The following KCNQ2 variants were observed in gnomAD, a reference collection of about 807,000 sequenced individuals.
The protein encoded by KCNQ2 is potassium voltage-gated channel subfamily Q member 2.
Under a neutral mutation model 84.8 loss-of-function variants are expected in KCNQ2, and 14 were observed. The ratio of observed to expected loss-of-function variants is 0.17; its 90% CI spans 0.11 to 0.26. The LOEUF (loss-of-function observed/expected upper bound fraction) is 0.26. KCNQ2 is among the 10% of genes least tolerant of loss of function. The pLI, the probability that KCNQ2 is intolerant of heterozygous loss-of-function variation, is 1.00. For missense variants in KCNQ2, 788 were observed against 1,254.0 expected (o/e 0.63, Z 5.61); for synonymous variants, 599 against 554.1 (o/e 1.08, Z -1.14).
In KCNQ2 at chr20:63,408,356, T is replaced by C. The variant is rs2080011924; in HGVS notation, c.1887+57A>G. 6.3e-7 allele frequency: 1 copy of C among 1,595,070 alleles called. No individual in the cohort carries two copies. Among genetic ancestry groups the C allele is most frequent in the East Asian group, 2.2e-5 (1 of 44,706 alleles). ...CCCTGAAGCCCACACTGCCACAGGT[T>C]GACGGCAGGCACCACAGCCCTCCAG... On this transcript the variant is annotated intron_variant, in intron 16 of 16. Coordinates refer to ENST00000359125, the MANE Select transcript of KCNQ2 (RefSeq NM_172107.4). The surrounding 1 kb of genome is among the most constrained non-coding windows in gnomAD (Gnocchi z 5.0).
In KCNQ2 at chr20:63,414,039, GGA is replaced by G. The variant is rs748904205; in HGVS notation, c.1631+47_1631+48del. 2.1e-6 allele frequency: 3 copies of G among 1,397,818 alleles called. No individual in the cohort carries two copies. In the African/African-American group the frequency reaches 4.2e-5, roughly 20 times the overall value. 86.6% of individuals were successfully genotyped at this position (1,397,818 alleles called of 1,614,324 possible). On this transcript the variant is annotated intron_variant, in intron 14 of 16. Coordinates refer to ENST00000359125, the MANE Select transcript of KCNQ2 (RefSeq NM_172107.4). This position sits in a 1 kb window ranked among gnomAD's most constrained non-coding sequence, Gnocchi z 6.6. ...CGGCAGCAGGCAGGACCACCGAGCG[GGA>G]GGCCCCTCCTCACTCCCCCAGGCTC...
At chr20:63,424,252 C>T (rs780299561) in intron 10 of KCNQ2, 46 bp from the exon 11 acceptor site, 10 of 1,550,124 alleles carry the variant, frequency 6.5e-6, no homozygotes, top group Middle Eastern at 1.7e-4. Context: ...CACTCAGCAC[C>T]CATGAGGGTC....
Position 63,445,783 on chromosome 20 carries a change from ACCCTGTCTGAGCTGGGAGG to A in KCNQ2, c.388-438_388-420del, listed in dbSNP as rs2081401717. ...TGGGGGACCCTGTCTGAGCTGGGGG[ACCCTGTCTGAGCTGGGAGG>A]CCCTGTCTGAGCTGGGGGACCCTGT... On this transcript the variant is annotated intron_variant, in intron 2 of 16. Transcript: ENST00000359125. Among the ~76,000 whole-genome samples the A allele has an allele frequency of 9.9e-5, 10 of 100,578 alleles. No individual in the cohort carries two copies. In the South Asian group the frequency reaches 2.0e-3, roughly 20 times the overall value. 66.0% of individuals were successfully genotyped at this position (100,578 alleles called of 152,430 possible). A position where few individuals can be genotyped will look rare whatever the true frequency, so the allele number is the denominator to read the frequency against.
intron 15 of KCNQ2, among the ~76,000 whole-genome samples, chr20:63,413,069 G>A (rs757963817): frequency 2.8e-4 from 42 of 152,070 alleles, no homozygotes; most frequent in Non-Finnish European, 5.6e-4. Context: ...GTACACACAT[G>A]TATGCACCCC....
intron 1 of KCNQ2, among the ~76,000 whole-genome samples, chr20:63,462,706 G>A (rs577868513): frequency 6.6e-6 from 1 of 152,330 alleles, no homozygotes; most frequent in South Asian, 2.1e-4. Flanking sequence ...GATGTGCATG[G>A]AGCCCCACGC....
intron 9 of KCNQ2, among the ~76,000 whole-genome samples, chr20:63,429,516 C>T (rs921055274): frequency 2.0e-5 from 3 of 152,176 alleles, no homozygotes; most frequent in African/African-American, 7.2e-5. Context: ...ATGCCCCTGC[C>T]CGTGTCCTCC....
At chr20:63,443,494 C>CATT (rs2081321597) in intron 4 of KCNQ2, 5 of 141,834 alleles carry the variant, frequency 3.5e-5, no homozygotes, top group African/African-American at 1.3e-4. Context: ...CCACCATCAC[C>CATT]ATCACCACCA....
In KCNQ2 at chr20:63,445,064, CAG is replaced by C. The variant is rs144357469; in HGVS notation, c.514+172_514+173del. ...CACATTCCTCTTCCTGACATTTAGG[CAG>C]AGTTAACCACAGCCTCTGACTCCAA... On this transcript the variant is annotated intron_variant, in intron 3 of 16. Transcript: ENST00000359125. Among the ~76,000 whole-genome samples, 1,247 of 152,324 alleles carry C rather than the reference CAG, an allele frequency of 8.2e-3. 21 individuals are homozygous for C. Among genetic ancestry groups the C allele is most frequent in the African/African-American group, 0.029 (1,185 of 41,576 alleles).
rs1303253912 is a variant in KCNQ2, at chr20:63,402,034, C to G, written c.*4610G>C. The G allele has an allele frequency of 8.0e-6, 1 of 124,912 alleles. No individual in the cohort carries two copies. Among genetic ancestry groups the G allele is most frequent in the African/African-American group, 4.6e-5 (1 of 21,902 alleles). The allele number at this position is 124,912 out of a possible 1,614,324, so 7.7% of individuals were successfully genotyped here. A position where few individuals can be genotyped will look rare whatever the true frequency, so the allele number is the denominator to read the frequency against. Reference sequence around the variant, plus strand: ...GCACCCTCCATGGCAGGTCCAAGCCCTGTGAACCATCCCTCTCACACCACG... The same window carrying G: ...GCACCCTCCATGGCAGGTCCAAGCCGTGTGAACCATCCCTCTCACACCACG... On this transcript the variant is annotated 3_prime_UTR_variant, in exon 17 of 17. Transcript: ENST00000359125.
chr20:63,421,773 G>A (rs1308754767), intron 11 of KCNQ2, among the ~76,000 whole-genome samples: 1 of 152,116 alleles, frequency 6.6e-6, no homozygotes, highest in African/African-American at 2.4e-5. Context: ...GTGAGATGGG[G>A]TGTCGGACAA....
rs1445512635 is a variant in KCNQ2, at chr20:63,438,897, A to C, written c.928-177T>G. On this transcript the variant is annotated intron_variant, in intron 6 of 16. Transcript: ENST00000359125. This position sits in a 1 kb window ranked among gnomAD's most constrained non-coding sequence, Gnocchi z 5.1. ...CAGACCACGCCCCAGGGACTCACAC[A>C]CCCCCCAGTTCATCAGGGTCAGACC... 3.0e-4 allele frequency among the ~76,000 whole-genome samples: 42 copies of C among 138,854 alleles called. No homozygotes were observed. Among genetic ancestry groups the C allele is most frequent in the African/African-American group, 1.1e-3 (42 of 36,708 alleles). The allele number at this position is 138,854 out of a possible 152,430, so 91.1% of individuals were successfully genotyped here.
intron 1 of KCNQ2, among the ~76,000 whole-genome samples, chr20:63,452,015 C>T (rs930439483): frequency 6.6e-6 from 1 of 152,246 alleles, no homozygotes; most frequent in Non-Finnish European, 1.5e-5. Context: ...GTGGAGGCTT[C>T]GGGCACAGGC....
chr20:63,433,901 C>T lies in KCNQ2; in HGVS notation c.1026G>A (p.Ser342=), dbSNP rs767345472. The change falls in exon 8 of 17, where the codon TCG becomes TCA. Residue 342 remains serine, a splice_region_variant and synonymous_variant. Transcript: ENST00000359125. ...GGTTGGTGGCGTAGAATCTCCAGGC[C>T]GACTGCGGAGGGAAAGACAAGGCAG... is the stretch of plus-strand genomic sequence containing the variant. ...RRNPAAGLIQ[S]AWRFYATNLS... 1.2e-6 allele frequency: 2 copies of T among 1,613,392 alleles called. No individual in the cohort carries two copies. Among genetic ancestry groups the T allele is most frequent in the East Asian group, 2.2e-5 (1 of 44,882 alleles).
rs2082247302 is a variant in KCNQ2 at position 63,472,641 on chromosome 20, C to G, written c.-178G>C. 1 of 248,786 alleles carries G rather than the reference C, an allele frequency of 4.0e-6. No individual in the cohort carries two copies. Among genetic ancestry groups the G allele is most frequent in the African/African-American group, 2.5e-5 (1 of 40,450 alleles). The allele number at this position is 248,786 out of a possible 1,614,324, so 15.4% of individuals were successfully genotyped here. On this transcript the variant is annotated 5_prime_UTR_variant, in exon 1 of 17. Coordinates refer to ENST00000359125, the MANE Select transcript of KCNQ2 (RefSeq NM_172107.4). ...GACGCTGCGGCCACCTCGCTCCGCG[C>G]GCACCTCGGCGCCTGGCCCGCGGCC...
In KCNQ2 at chr20:63,435,320, C is replaced by T. The variant is rs1051065694; in HGVS notation, c.1024-1417G>A. 2.7e-5 allele frequency among the ~76,000 whole-genome samples: 4 copies of T among 149,582 alleles called. No homozygotes were observed. The Admixed American group carries it at 2.7e-4, about 10-fold the overall frequency. On this transcript the variant is annotated intron_variant, in intron 7 of 16. Coordinates refer to ENST00000359125, the MANE Select transcript of KCNQ2 (RefSeq NM_172107.4). ...GGAGGATCGCTTGAACCTGGCAGGT[C>T]GAGGCTGCAGTGAGCCAAGATCACA...
At chr20:63,458,005 GTGC>G (rs1418158889) in intron 1 of KCNQ2, among the ~76,000 whole-genome samples, 2 of 152,120 alleles carry the variant, frequency 1.3e-5, no homozygotes, top group African/African-American at 2.4e-5. Context: ...CAGACCACAG[GTGC>G]TGGACAGAGA....
chr20:63,428,585 C>A, intron 9 of KCNQ2, 150 bp from the exon 10 acceptor site: 1 of 686,396 alleles, frequency 1.5e-6, no homozygotes, highest in Non-Finnish European at 2.6e-6. Context: ...CAGCTGCCCA[C>A]TGGGCCCTGG....
At chr20:63,418,898 G>A (rs540300437) in intron 12 of KCNQ2, among the ~76,000 whole-genome samples, 3 of 152,278 alleles carry the variant, frequency 2.0e-5, no homozygotes, top group African/African-American at 7.2e-5. Flanking sequence ...CACCACCGGC[G>A]GCATGCACAT....
chr20:63,447,368 C>T (rs538415333), intron 1 of KCNQ2: 13 of 157,854 alleles, frequency 8.2e-5, no homozygotes, highest in Non-Finnish European at 1.7e-4. Flanking sequence ...AGGAGCTCCT[C>T]GGATCACCTT....
Sources: gnomAD v4.1 joint callset for allele counts (sites outside exome capture counted in the v4.1 genomes callset) on GRCh38, gnomAD v4.1.1 for gene constraint, Gnocchi (gnomAD v3.1) non-coding constraint, MANE v1.5 for transcripts, NCBI Gene and HGNC (gene_info 2026-07-23, HGNC 2026-07-21) for gene names.